Variants in OTUD7A observed in about 807,000 individuals in gnomAD.
OTUD7A encodes OTU deubiquitinase 7A.
A neutral mutation model predicts 65.7 loss-of-function variants in OTUD7A; 12 were observed. The ratio of observed to expected loss-of-function variants is 0.18; its 90% CI spans 0.12 to 0.30. The LOEUF is 0.30. Ranked by LOEUF, OTUD7A falls within the 10% of genes least tolerant of loss-of-function variation. The pLI is 1.00. For missense variants in OTUD7A, 1,148 were observed against 1,304.8 expected, an observed-to-expected ratio of 0.88 and a Z score of 1.85; for synonymous variants, 641 against 586.3, an observed-to-expected ratio of 1.09 and a Z score of -1.35.
chr15:31,628,416 T>C (rs930153033), intron 3 of OTUD7A, among the ~76,000 whole-genome samples: 3 of 152,192 alleles, frequency 2.0e-5, no homozygotes, highest in African/African-American at 7.2e-5. Context: ...TATGTGGCAT[T>C]ATTTCTGAGG....
At chr15:31,586,790 T>C (rs4779896) in intron 3 of OTUD7A, among the ~76,000 whole-genome samples, 52,296 of 151,866 alleles carry the variant, frequency 0.34, 12,274 homozygotes, top group African/African-American at 0.67. Context: ...CTTAGCCATG[T>C]TCTTCTTGGC....
chr15:31,551,367 C>A (rs756880932), intron 5 of OTUD7A, among the ~76,000 whole-genome samples: 1 of 152,202 alleles, frequency 6.6e-6, no homozygotes, highest in Non-Finnish European at 1.5e-5. Flanking sequence ...TCATTCCCAA[C>A]TCCCCATGAC....
At chr15:31,848,800 T>G (rs1246211350) in intron 1 of OTUD7A, among the ~76,000 whole-genome samples, 2 of 152,232 alleles carry the variant, frequency 1.3e-5, no homozygotes, top group Non-Finnish European at 2.9e-5. Context: ...GCTCCAACAG[T>G]AGCTCAGCAC....
At chr15:31,695,377 T>G (rs1319983830) in intron 1 of OTUD7A, among the ~76,000 whole-genome samples, 2 of 142,108 alleles carry the variant, frequency 1.4e-5, no homozygotes, top group Non-Finnish European at 3.1e-5. Context: ...TGCACTAATT[T>G]ACATACCCAC....
chr15:31,857,742 G>A (rs1296955385), intron 1 of OTUD7A, among the ~76,000 whole-genome samples: 1 of 152,128 alleles, frequency 6.6e-6, no homozygotes, highest in Admixed American at 6.5e-5. Context: ...GGCATCTCCT[G>A]GACCATGAAG....
rs772401103 is a variant in OTUD7A at position 31,801,053 on chromosome 15, C to CAA, written c.-100+69452_-100+69453dup. On this transcript the variant is annotated intron_variant, in intron 1 of 12. Transcript: ENST00000307050. ...AATGTAGAGCATTATCCAGCAGCCTCAAAAAAAAAAAAAAAAAAAAGCAGA... is the reference window on the plus strand; with the variant it reads ...AATGTAGAGCATTATCCAGCAGCCTCAAAAAAAAAAAAAAAAAAAAAAGCAGA... Among the ~76,000 whole-genome samples, 414 of 91,276 alleles carry CAA rather than the reference C, an allele frequency of 4.5e-3. 4 individuals are homozygous for CAA. The highest frequency in any genetic ancestry group is 0.015 in the African/African-American group (381 of 25,032). The allele number at this position is 91,276 out of a possible 152,430, so 59.9% of individuals were successfully genotyped here.
At chr15:31,714,425 G>C (rs1319894317) in intron 1 of OTUD7A, among the ~76,000 whole-genome samples, 1 of 152,118 alleles carries the variant, frequency 6.6e-6, no homozygotes, top group African/African-American at 2.4e-5. Context: ...GAATAAAGGA[G>C]AAAGAATAGG....
intron 8 of OTUD7A, among the ~76,000 whole-genome samples, chr15:31,518,532 C>A (rs1389741300): frequency 1.3e-5 from 2 of 152,154 alleles, no homozygotes; most frequent in Non-Finnish European, 2.9e-5. Flanking sequence ...TGAGTAAATG[C>A]GCATAAACTG....
intron 6 of OTUD7A, among the ~76,000 whole-genome samples, chr15:31,530,182 C>T (rs1280603477): frequency 6.6e-6 from 1 of 152,170 alleles, no homozygotes; most frequent in Admixed American, 6.5e-5. Context: ...TCCATTAGTC[C>T]ATGCCAACTG....
intron 3 of OTUD7A, among the ~76,000 whole-genome samples, chr15:31,606,360 T>C (rs1890239729): frequency 6.6e-6 from 1 of 152,208 alleles, no homozygotes; most frequent in African/African-American, 2.4e-5. Flanking sequence ...CACGTGACCG[T>C]GCACAGAGTT....
At chr15:31,571,362 G>A (rs866215389) in intron 3 of OTUD7A, among the ~76,000 whole-genome samples, 70 of 152,318 alleles carry the variant, frequency 4.6e-4, no homozygotes, top group African/African-American at 1.6e-3. Context: ...GAGAAGGAAA[G>A]GCGCAGAGGC....
chr15:31,645,257 T>A (rs1219040453), intron 3 of OTUD7A, among the ~76,000 whole-genome samples: 3 of 152,278 alleles, frequency 2.0e-5, no homozygotes, highest in Non-Finnish European at 4.4e-5. Context: ...TACTGTCCTT[T>A]ACTGTCTAAT....
intron 3 of OTUD7A, among the ~76,000 whole-genome samples, chr15:31,581,657 A>C (rs1050245186): frequency 6.6e-6 from 1 of 152,218 alleles, no homozygotes; most frequent in Admixed American, 6.5e-5. Flanking sequence ...TGAGCTCTAC[A>C]TGGGCCCTTT....
chr15:31,647,142 C>T (rs568818961), intron 3 of OTUD7A, among the ~76,000 whole-genome samples: 2 of 152,306 alleles, frequency 1.3e-5, no homozygotes, highest in South Asian at 4.1e-4. Flanking sequence ...GGTTTCCTTT[C>T]AGTATTTCTA....
At chr15:31,506,821 T>G (rs775002378) in intron 8 of OTUD7A, among the ~76,000 whole-genome samples, 13 of 152,190 alleles carry the variant, frequency 8.5e-5, no homozygotes, top group East Asian at 3.8e-4. Context: ...GTGTTAAATT[T>G]TAGGAAATAG....
intron 5 of OTUD7A, among the ~76,000 whole-genome samples, chr15:31,550,257 C>G (rs561281754): frequency 1.3e-5 from 2 of 152,074 alleles, no homozygotes; most frequent in East Asian, 3.9e-4. Context: ...GGTATCAAAC[C>G]CACAGCAGGC....
chr15:31,649,886 C>T, intron 3 of OTUD7A: 1 of 279,858 alleles, frequency 3.6e-6, no homozygotes, highest in South Asian at 2.9e-5. Flanking sequence ...GTGAGCGAGA[C>T]ACTTCCCTTC....
At chr15:31,546,319 A>T (rs932882772) in intron 5 of OTUD7A, among the ~76,000 whole-genome samples, 11 of 152,216 alleles carry the variant, frequency 7.2e-5, no homozygotes, top group Non-Finnish European at 1.5e-4. Flanking sequence ...TATGGACTGA[A>T]TGTGTCCCCT....
chr15:31,812,046 G>C (rs1459804839), intron 1 of OTUD7A, among the ~76,000 whole-genome samples: 2 of 152,226 alleles, frequency 1.3e-5, no homozygotes, highest in Non-Finnish European at 2.9e-5. Context: ...GGCAGGTGGT[G>C]ACCAGAGCAA....
Sources: gnomAD v4.1 joint callset for allele counts (sites outside exome capture counted in the v4.1 genomes callset) on GRCh38, gnomAD v4.1.1 for gene constraint, MANE v1.5 for transcripts, NCBI Gene and HGNC (gene_info 2026-07-23, HGNC 2026-07-21) for gene names.